The following PSMD1 variants were observed in gnomAD, a reference collection of about 807,000 sequenced individuals.
PSMD1 encodes the protein 26S proteasome non-ATPase regulatory subunit 1.
In PSMD1, 18 loss-of-function variants were observed where a neutral mutation model predicts 119.0. The ratio of observed to expected loss-of-function variants is 0.15; its 90% CI spans 0.10 to 0.22. The LOEUF is 0.22. PSMD1 is among the 10% of genes least tolerant of loss of function. The probability of loss-of-function intolerance (pLI) is 1.00; values close to 1 mark genes in which losing one functional copy is unlikely to be tolerated. For synonymous variants in PSMD1, 374 were observed against 396.6 expected (o/e 0.94, Z 0.68); for missense variants, 702 against 1,158.5 (o/e 0.61, Z 5.72).
intron 5 of PSMD1, among the ~76,000 whole-genome samples, chr2:231,069,143 C>T (rs1269550657): frequency 6.6e-6 from 1 of 150,386 alleles, no homozygotes; most frequent in Non-Finnish European, 1.5e-5. Flanking sequence ...GGAGAACAAG[C>T]AGTCAAACAA....
At chr2:231,140,935 A>G (rs991177306) in intron 17 of PSMD1, among the ~76,000 whole-genome samples, 1 of 150,862 alleles carries the variant, frequency 6.6e-6, no homozygotes, top group South Asian at 2.1e-4. Flanking sequence ...TTGGGCAACC[A>G]AGGCGGGTGG....
intron 11 of PSMD1, 72 bp from the exon 12 acceptor site, chr2:231,080,069 A>G (rs1694269585): frequency 7.4e-7 from 1 of 1,359,438 alleles, no homozygotes; most frequent in African/African-American, 1.5e-5. Flanking sequence ...AAAGGCAGTA[A>G]TCATAGAAAA....
intron 16 of PSMD1, among the ~76,000 whole-genome samples, chr2:231,095,795 G>T (rs1440722575): frequency 1.3e-5 from 2 of 152,174 alleles, no homozygotes; most frequent in Non-Finnish European, 2.9e-5. Flanking sequence ...GGCCCCATGG[G>T]TTGCAAATTA....
chr2:231,110,920 T>G (rs1453622270), intron 16 of PSMD1, among the ~76,000 whole-genome samples: 1 of 152,236 alleles, frequency 6.6e-6, no homozygotes, highest in African/African-American at 2.4e-5. Flanking sequence ...AGAAAAAGTT[T>G]GCTGACCCCT....
intron 16 of PSMD1, chr2:231,108,488 A>G (rs368605804): frequency 5.8e-6 from 9 of 1,555,160 alleles, no homozygotes; most frequent in Non-Finnish European, 7.1e-6. Context: ...CTTACTCATC[A>G]TTATGTTTGA....
intron 17 of PSMD1, among the ~76,000 whole-genome samples, chr2:231,141,165 G>A (rs1437874074): frequency 2.0e-5 from 3 of 152,108 alleles, no homozygotes; most frequent in African/African-American, 7.2e-5. Flanking sequence ...AAAAATTAGT[G>A]TGGTGGCAGG....
chr2:231,075,436 G>A, intron 7 of PSMD1, 75 bp from the exon 8 acceptor site: 1 of 1,289,512 alleles, frequency 7.8e-7, no homozygotes, highest in Non-Finnish European at 1.1e-6. Context: ...TATTCAATTT[G>A]GACATGGTTC....
intron 11 of PSMD1, 52 bp downstream of exon 11, chr2:231,079,666 TG>T: frequency 8.5e-7 from 1 of 1,174,768 alleles, no homozygotes; most frequent in South Asian, 1.7e-5. Flanking sequence ...GTAATTTTTC[TG>T]GGGTTAAGAA....
At position 231,077,212 on chromosome 2, in the gene PSMD1, G is replaced by C. The variant is rs755295671; in HGVS notation, c.1071+50G>C. ...GATTTTAAAAAATATTTAGTTCTTT[G>C]TTGCATATAAGTAATTATATTTATT... On this transcript the variant is annotated intron_variant, in intron 9 of 24. Transcript: ENST00000308696. The C allele has an allele frequency of 4.9e-6, 6 of 1,223,632 alleles. No homozygotes were observed. In the Admixed American group the frequency reaches 1.8e-4, roughly 36 times the overall value. The allele number at this position is 1,223,632 out of a possible 1,614,324, so 75.8% of individuals were successfully genotyped here.
intron 4 of PSMD1, among the ~76,000 whole-genome samples, chr2:231,063,070 C>T (rs544161168): frequency 2.6e-5 from 4 of 152,174 alleles, no homozygotes; most frequent in South Asian, 2.1e-4. Context: ...AGGAGCTAGC[C>T]GTTTTACAGA....
intron 4 of PSMD1, among the ~76,000 whole-genome samples, chr2:231,065,830 A>G (rs1693897466): frequency 6.6e-6 from 1 of 152,192 alleles, no homozygotes; most frequent in Admixed American, 6.5e-5. Context: ...TTTTGCATGA[A>G]TTTTCAGACA....
At chr2:231,078,010 A>G (rs1023306207) in intron 9 of PSMD1, among the ~76,000 whole-genome samples, 12 of 152,250 alleles carry the variant, frequency 7.9e-5, no homozygotes, top group South Asian at 2.1e-4. Flanking sequence ...GCTTACGCCT[A>G]TAATCCCAGC....
intron 16 of PSMD1, chr2:231,108,948 G>A (rs369917793): frequency 6.2e-7 from 1 of 1,613,896 alleles, no homozygotes; most frequent in African/African-American, 1.3e-5. Context: ...ATAAAGAAGG[G>A]ACACCACATA....
chr2:231,135,201 A>G (rs1046226508), intron 16 of PSMD1, among the ~76,000 whole-genome samples: 1 of 152,216 alleles, frequency 6.6e-6, no homozygotes, highest in African/African-American at 2.4e-5. Flanking sequence ...TTCAACTACA[A>G]GTTTTAGAAT....
intron 23 of PSMD1, among the ~76,000 whole-genome samples, chr2:231,166,806 G>A (rs1696797056): frequency 6.6e-6 from 1 of 152,124 alleles, no homozygotes; most frequent in African/African-American, 2.4e-5. Flanking sequence ...CAACCTGATG[G>A]TGGGTCAAAG....
At chr2:231,109,528 A>G in intron 16 of PSMD1, 1 of 845,130 alleles carries the variant, frequency 1.2e-6, no homozygotes, top group Non-Finnish European at 1.9e-6. Context: ...AATTCCTGGG[A>G]CCCACAATGC....
intron 16 of PSMD1, among the ~76,000 whole-genome samples, chr2:231,111,312 T>C (rs1396204039): frequency 6.6e-6 from 1 of 152,230 alleles, no homozygotes; most frequent in Non-Finnish European, 1.5e-5. Flanking sequence ...AGAGAACTTC[T>C]GTTTCCTGTT....
chr2:231,086,386 G>C (rs1027293860), intron 15 of PSMD1, among the ~76,000 whole-genome samples: 1 of 152,228 alleles, frequency 6.6e-6, no homozygotes. Context: ...GCCGGGCATG[G>C]TGGCGTACAC....
chr2:231,111,655 G>A (rs188639068), intron 16 of PSMD1, among the ~76,000 whole-genome samples: 22 of 152,134 alleles, frequency 1.4e-4, no homozygotes, highest in Admixed American at 1.4e-3. Flanking sequence ...TTATTAATTT[G>A]TGATCGGTTC....
Sources: gnomAD v4.1 joint callset for allele counts (sites outside exome capture counted in the v4.1 genomes callset) on GRCh38, gnomAD v4.1.1 for gene constraint, MANE v1.5 for transcripts, NCBI Gene and HGNC (gene_info 2026-07-23, HGNC 2026-07-21) for gene names.